Variants in ADAMTSL1 observed in about 807,000 individuals in gnomAD.
ADAMTSL1 encodes the protein ADAMTS like 1.
A neutral mutation model predicts 201.8 loss-of-function variants in ADAMTSL1; 126 were observed. The ratio of observed to expected loss-of-function variants is 0.62; its 90% CI spans 0.54 to 0.72. The LOEUF (loss-of-function observed/expected upper bound fraction) is 0.72, where lower values mean the gene tolerates loss of function less well. Ranked by LOEUF, ADAMTSL1 falls within the 30% of genes least tolerant of loss-of-function variation. The pLI, the probability that ADAMTSL1 is intolerant of heterozygous loss-of-function variation, is 0.00. For missense variants in ADAMTSL1, 2,679 were observed against 2,277.8 expected, an observed-to-expected ratio of 1.18 and a Z score of -3.59; for synonymous variants, 1,121 against 903.4, an observed-to-expected ratio of 1.24 and a Z score of -4.32.
intron 1 of ADAMTSL1, among the ~76,000 whole-genome samples, chr9:17,923,433 C>T (rs1826388632): frequency 6.8e-6 from 1 of 147,902 alleles, no homozygotes; most frequent in Non-Finnish European, 1.5e-5. Context: ...CATGATTTGG[C>T]TCTCTGTTTG....
At chr9:18,439,514 G>A (rs532730575) in intron 2 of ADAMTSL1, among the ~76,000 whole-genome samples, 22 of 152,018 alleles carry the variant, frequency 1.4e-4, no homozygotes, top group African/African-American at 4.6e-4. Flanking sequence ...TTACAGGTGC[G>A]CGCCACCACA....
At position 18,511,452 on chromosome 9, in the gene ADAMTSL1, A is replaced by T. The variant is rs1446255985; in HGVS notation, c.191+6496A>T. On this transcript the variant is annotated intron_variant, in intron 2 of 28. Transcript: ENST00000380548. ...TTGAGTTAAATATTAAAATTGAATT[A>T]AAAAGTTTTTGAGGTAATACGATTA... Among the ~76,000 whole-genome samples, 7 of 152,254 alleles carry T rather than the reference A, an allele frequency of 4.6e-5. No individual in the cohort carries two copies. The South Asian group carries it at 1.0e-3, about 23-fold the overall frequency.
At chr9:18,765,352 G>A (rs1820298287) in intron 16 of ADAMTSL1, among the ~76,000 whole-genome samples, 1 of 152,164 alleles carries the variant, frequency 6.6e-6, no homozygotes, top group African/African-American at 2.4e-5. Flanking sequence ...GACCCATGAG[G>A]AATCTGAGTG....
chr9:18,108,196 AT>A (rs5896770), intron 1 of ADAMTSL1, among the ~76,000 whole-genome samples: 12,991 of 125,342 alleles, frequency 0.1, 597 homozygotes, highest in African/African-American at 0.19. Context: ...AGAGTGTGGA[AT>A]TTTTTTTTTT....
chr9:18,544,750 G>T (rs1282261914), intron 3 of ADAMTSL1, among the ~76,000 whole-genome samples: 1 of 152,102 alleles, frequency 6.6e-6, no homozygotes, highest in Non-Finnish European at 1.5e-5. Context: ...TGCCTACTTG[G>T]CCAACCCGTA....
chr9:18,782,977 T>A (rs574853480), intron 19 of ADAMTSL1, among the ~76,000 whole-genome samples: 1 of 152,098 alleles, frequency 6.6e-6, no homozygotes, highest in African/African-American at 2.4e-5. Flanking sequence ...TTACACTGAG[T>A]ACTACAGGAA....
At chr9:18,638,806 C>T (rs1477438897) in intron 6 of ADAMTSL1, among the ~76,000 whole-genome samples, 1 of 151,934 alleles carries the variant, frequency 6.6e-6, no homozygotes, top group Admixed American at 6.6e-5. Flanking sequence ...GGCTAATGCA[C>T]GAATATAAAG....
chr9:18,719,680 T>A (rs10435773), intron 14 of ADAMTSL1, among the ~76,000 whole-genome samples: 44,049 of 152,050 alleles, frequency 0.29, 7,491 homozygotes, highest in South Asian at 0.43. Context: ...TTCTTTTTTT[T>A]AAAAAATGTT....
intron 21 of ADAMTSL1, among the ~76,000 whole-genome samples, chr9:18,823,907 T>C (rs1030337292): frequency 6.6e-6 from 1 of 151,926 alleles, no homozygotes; most frequent in Non-Finnish European, 1.5e-5. Flanking sequence ...GGAGAATCGC[T>C]GGAACCCAGG....
At chr9:18,227,980 A>G (rs762073518) in intron 2 of ADAMTSL1, among the ~76,000 whole-genome samples, 2 of 152,166 alleles carry the variant, frequency 1.3e-5, no homozygotes, top group Non-Finnish European at 2.9e-5. Flanking sequence ...CTTCCACTTT[A>G]CCATAGAAGC....
rs558491553 is a variant in ADAMTSL1 at position 18,886,162 on chromosome 9, A to ATGTG, written c.4250-1667_4250-1664dup. On this transcript the variant is annotated intron_variant, in intron 23 of 28. Coordinates refer to ENST00000380548, the MANE Select transcript of ADAMTSL1 (RefSeq NM_001040272.6). ...TGTGTATATATACATGTGAGTGTGT[A>ATGTG]TGTGTATATATATATATATATATAT... Among the ~76,000 whole-genome samples, 276 of 58,714 alleles carry ATGTG rather than the reference A, an allele frequency of 4.7e-3. 2 individuals carry two copies. Among genetic ancestry groups the ATGTG allele is most frequent in the African/African-American group, 0.016 (224 of 13,590 alleles). 38.5% of individuals were successfully genotyped at this position (58,714 alleles called of 152,430 possible).
intron 1 of ADAMTSL1, among the ~76,000 whole-genome samples, chr9:18,144,629 C>T (rs905775283): frequency 7.2e-5 from 11 of 152,152 alleles, no homozygotes; most frequent in African/African-American, 2.4e-4. Flanking sequence ...AGGTCTTCCC[C>T]ATTATTTACT....
chr9:18,587,007 A>G lies in ADAMTSL1; in HGVS notation c.474+12741A>G, dbSNP rs1319489528. On this transcript the variant is annotated intron_variant, in intron 4 of 28. Coordinates refer to ENST00000380548, the MANE Select transcript of ADAMTSL1 (RefSeq NM_001040272.6). Reference sequence around the variant, plus strand: ...TATTAAAAAAAAACTGTGGAAGACAACGTAGGCAATACCATTCTGGACATA... The same window carrying G: ...TATTAAAAAAAAACTGTGGAAGACAGCGTAGGCAATACCATTCTGGACATA... Among the ~76,000 whole-genome samples the G allele has an allele frequency of 8.5e-5, 13 of 152,340 alleles. 1 individual carries two copies. Among genetic ancestry groups the G allele is most frequent in the African/African-American group, 3.1e-4 (13 of 41,574 alleles).
At chr9:18,274,288 A>C (rs1832501039) in intron 2 of ADAMTSL1, among the ~76,000 whole-genome samples, 1 of 152,220 alleles carries the variant, frequency 6.6e-6, no homozygotes, top group East Asian at 1.9e-4. Flanking sequence ...TTGCATATTA[A>C]GCTTTGATTA....
chr9:18,451,153 A>C (rs1467124172), intron 2 of ADAMTSL1, among the ~76,000 whole-genome samples: 1 of 152,206 alleles, frequency 6.6e-6, no homozygotes, highest in Non-Finnish European at 1.5e-5. Context: ...CCTGCCGTTC[A>C]GTTCAAGGAA....
chr9:18,449,662 A>T (rs1219016637), intron 2 of ADAMTSL1, among the ~76,000 whole-genome samples: 1 of 152,210 alleles, frequency 6.6e-6, no homozygotes, highest in African/African-American at 2.4e-5. Flanking sequence ...AGAATATGTA[A>T]AGACCTCTCA....
chr9:18,749,642 C>T (rs968842564), intron 15 of ADAMTSL1, among the ~76,000 whole-genome samples: 10 of 152,340 alleles, frequency 6.6e-5, no homozygotes, highest in African/African-American at 1.9e-4. Flanking sequence ...AGGCACAGAA[C>T]GCACGGAATA....
chr9:18,001,407 G>A (rs1346946478), intron 1 of ADAMTSL1, among the ~76,000 whole-genome samples: 1 of 151,940 alleles, frequency 6.6e-6, no homozygotes, highest in Non-Finnish European at 1.5e-5. Context: ...CCAAGATGAG[G>A]GAGACAGTAC....
chr9:17,977,890 G>T (rs939328182), intron 1 of ADAMTSL1, among the ~76,000 whole-genome samples: 4 of 151,962 alleles, frequency 2.6e-5, no homozygotes, highest in Non-Finnish European at 4.4e-5. Flanking sequence ...TTGATTTTCT[G>T]TTTGGATGAA....
Sources: gnomAD v4.1 joint callset for allele counts (sites outside exome capture counted in the v4.1 genomes callset) on GRCh38, gnomAD v4.1.1 for gene constraint, MANE v1.5 for transcripts, NCBI Gene and HGNC (gene_info 2026-07-23, HGNC 2026-07-21) for gene names.